The following CNIH4 variants were observed in gnomAD, a reference collection of about 807,000 sequenced individuals.
The protein encoded by CNIH4 is protein cornichon homolog 4.
Under a neutral mutation model 21.5 loss-of-function variants are expected in CNIH4, and 9 were observed. That is an observed-to-expected ratio of 0.42 (90% CI 0.25 to 0.73). CNIH4 has a LOEUF of 0.73. Ranked by LOEUF, CNIH4 falls within the 30% of genes least tolerant of loss-of-function variation. The pLI is 0.27. For missense variants in CNIH4, 159 were observed against 170.0 expected (o/e 0.94, Z 0.36); for synonymous variants, 67 against 59.1 (o/e 1.13, Z -0.61).
intron 3 of CNIH4, among the ~76,000 whole-genome samples, chr1:224,370,784 C>T (rs1350623776): frequency 6.6e-6 from 1 of 151,826 alleles, no homozygotes; most frequent in African/African-American, 2.4e-5. Context: ...AGTATTATAA[C>T]TTTCAAAAGG....
chr1:224,362,550 C>T (rs1198209686), intron 2 of CNIH4, among the ~76,000 whole-genome samples: 30 of 135,030 alleles, frequency 2.2e-4, no homozygotes, highest in Admixed American at 9.5e-4. Context: ...ATTGCAGTGG[C>T]GTGATCTCAG....
At chr1:224,359,961 G>A (rs1433392579) in intron 1 of CNIH4, among the ~76,000 whole-genome samples, 2 of 152,098 alleles carry the variant, frequency 1.3e-5, no homozygotes, top group African/African-American at 2.4e-5. Context: ...GTGAAACCCC[G>A]TCTCTACTAA....
Position 224,379,107 on chromosome 1 carries a change from T to C in CNIH4, c.*3285T>C. On this transcript the variant is annotated 3_prime_UTR_variant, in exon 5 of 5. Transcript: ENST00000465271. ...CCTTGCTAATCACCGTAACCTCGGC[T>C]GAGAAAGAAGAGGAAGCGAAATCCA... The C allele has an allele frequency of 6.4e-7, 1 of 1,550,562 alleles. No individual in the cohort carries two copies. Among genetic ancestry groups the C allele is most frequent in the Non-Finnish European group, 8.7e-7 (1 of 1,146,962 alleles).
intron 3 of CNIH4, among the ~76,000 whole-genome samples, chr1:224,367,238 C>G (rs1275188158): frequency 6.6e-6 from 1 of 151,898 alleles, no homozygotes. Context: ...CATTCATTGG[C>G]TGTTTTTTAA....
At position 224,376,700 on chromosome 1, in the gene CNIH4, T is replaced by C. The variant is rs748719936; in HGVS notation, c.*878T>C. The C allele has an allele frequency of 1.4e-4, 135 of 985,330 alleles. 1 individual carries two copies. The highest frequency in any genetic ancestry group is 1.6e-4 in the Non-Finnish European group (130 of 829,952). 61.0% of individuals were successfully genotyped at this position (985,330 alleles called of 1,614,324 possible). A position where few individuals can be genotyped will look rare whatever the true frequency, so the allele number is the denominator to read the frequency against. ...GGTGCCAGATCAACACTTCTATCCCTCTGCACTGACCACGTTGTGAACTGG... is the reference window on the plus strand; with the variant it reads ...GGTGCCAGATCAACACTTCTATCCCCCTGCACTGACCACGTTGTGAACTGG... On this transcript the variant is annotated 3_prime_UTR_variant, in exon 5 of 5. Transcript: ENST00000465271.
intron 1 of CNIH4, among the ~76,000 whole-genome samples, chr1:224,358,297 T>A (rs1468728835): frequency 2.6e-5 from 4 of 152,244 alleles, no homozygotes; most frequent in African/African-American, 9.6e-5. Context: ...CAGTAAATAT[T>A]GCTCTGCCTT....
chr1:224,366,817 G>T (rs1421816229), intron 3 of CNIH4, among the ~76,000 whole-genome samples: 1 of 149,694 alleles, frequency 6.7e-6, no homozygotes, highest in Admixed American at 6.7e-5. Flanking sequence ...AAAAAAATTA[G>T]CCAGGCATGG....
chr1:224,357,541 G>A (rs1273423545), intron 1 of CNIH4: 1 of 152,708 alleles, frequency 6.5e-6, no homozygotes, highest in South Asian at 2.1e-4. Flanking sequence ...TACTTGCAGG[G>A]ACCTTTCACA....
intron 3 of CNIH4, among the ~76,000 whole-genome samples, chr1:224,367,421 A>G (rs1329521139): frequency 6.6e-6 from 1 of 152,164 alleles, no homozygotes; most frequent in African/African-American, 2.4e-5. Flanking sequence ...GAGTGAGGGA[A>G]AAGCTTTAAA....
Position 224,379,198 on chromosome 1 carries a change from C to T in CNIH4, c.*3376C>T. 8.6e-7 allele frequency: 1 copy of T among 1,166,434 alleles called. No individual in the cohort carries two copies. The highest frequency in any genetic ancestry group is 1.3e-5 in the South Asian group (1 of 76,032). The allele number at this position is 1,166,434 out of a possible 1,614,324, so 72.3% of individuals were successfully genotyped here. A position where few individuals can be genotyped will look rare whatever the true frequency, so the allele number is the denominator to read the frequency against. ...GCTGCCTTTTCATGCCTGCCACAGA[C>T]TACAGTAGGACAAAACCTGACCTGG... On this transcript the variant is annotated 3_prime_UTR_variant, in exon 5 of 5. Coordinates refer to ENST00000465271, the MANE Select transcript of CNIH4 (RefSeq NM_014184.4).
In CNIH4 at chr1:224,359,693, C is replaced by G. The variant is rs145688445; in HGVS notation, c.70-802C>G. 3.1e-3 allele frequency among the ~76,000 whole-genome samples: 469 copies of G among 152,234 alleles called. 1 individual carries two copies. Among genetic ancestry groups the G allele is most frequent in the African/African-American group, 0.01 (434 of 41,522 alleles). On this transcript the variant is annotated intron_variant, in intron 1 of 4. Transcript: ENST00000465271. ...TCAAGCGATTCTCCTGCCTCAGCCT[C>G]TCAAGTAACTGAGACTACAAGTGCC...
Position 224,377,047 on chromosome 1 carries a change from CTT to C in CNIH4, c.*1228_*1229del. ...CCCAAAAGATTAAATGTTACATGTC[CTT>C]TTAGTCCTTGACCAGGTCTAGCCTT... On this transcript the variant is annotated 3_prime_UTR_variant, in exon 5 of 5. Coordinates refer to ENST00000465271, the MANE Select transcript of CNIH4 (RefSeq NM_014184.4). 1 of 410,422 alleles carries C rather than the reference CTT, an allele frequency of 2.4e-6. No homozygotes were observed. The highest frequency in any genetic ancestry group is 3.3e-6 in the Non-Finnish European group (1 of 304,490). 25.4% of individuals were successfully genotyped at this position (410,422 alleles called of 1,614,324 possible).
At chr1:224,371,170 C>A in intron 3 of CNIH4, 113 bp from the exon 4 acceptor site, 1 of 1,129,090 alleles carries the variant, frequency 8.9e-7, no homozygotes. Context: ...AGCCACAGTA[C>A]TGGGCCTGAT....
At chr1:224,372,127 G>GA (rs548669444) in intron 4 of CNIH4, among the ~76,000 whole-genome samples, 100 of 152,296 alleles carry the variant, frequency 6.6e-4, no homozygotes, top group African/African-American at 2.3e-3. Context: ...ATTTAGGTGT[G>GA]ATGCTCATTC....
chr1:224,358,149 G>C (rs112085642), intron 1 of CNIH4, among the ~76,000 whole-genome samples: 2,175 of 152,308 alleles, frequency 0.014, 27 homozygotes, highest in Non-Finnish European at 0.021. Context: ...TTCCTGGTCA[G>C]CTAGCTCTTT....
chr1:224,359,339 G>A (rs1351912579), intron 1 of CNIH4, among the ~76,000 whole-genome samples: 1 of 152,190 alleles, frequency 6.6e-6, no homozygotes, highest in African/African-American at 2.4e-5. Flanking sequence ...GGGTCGTCTG[G>A]ATTTCAAATA....
Position 224,375,842 on chromosome 1 carries a change from G to T in CNIH4, c.*20G>T. On this transcript the variant is annotated 3_prime_UTR_variant, in exon 5 of 5. Coordinates refer to ENST00000465271, the MANE Select transcript of CNIH4 (RefSeq NM_014184.4). ...GACTGAAGCTGGAGAAGCCGTGGTT[G>T]AAGTCAGCCTACACTACAGTGCACA... 1 of 1,614,058 alleles carries T rather than the reference G, an allele frequency of 6.2e-7. No individual in the cohort carries two copies. Among genetic ancestry groups the T allele is most frequent in the Admixed American group, 1.7e-5 (1 of 60,018 alleles).
intron 3 of CNIH4, among the ~76,000 whole-genome samples, chr1:224,369,570 C>T (rs967337363): frequency 3.3e-5 from 5 of 151,770 alleles, no homozygotes; most frequent in South Asian, 4.2e-4. Flanking sequence ...AGCGAGATTA[C>T]GTCTAAAAAT....
rs756562783 is a variant in CNIH4 at position 224,368,812 on chromosome 1, G to A, written c.252-2471G>A. On this transcript the variant is annotated intron_variant, in intron 3 of 4. Coordinates refer to ENST00000465271, the MANE Select transcript of CNIH4 (RefSeq NM_014184.4). ...GTTGGGATTACAGGTGTGAGCCAGT[G>A]TGCCCAGCCACAGCTGCACTATTTG... 2.0e-5 allele frequency among the ~76,000 whole-genome samples: 3 copies of A among 151,916 alleles called. No homozygotes were observed. In the East Asian group the frequency reaches 5.8e-4, roughly 29 times the overall value.
Sources: gnomAD v4.1 joint callset for allele counts (sites outside exome capture counted in the v4.1 genomes callset) on GRCh38, gnomAD v4.1.1 for gene constraint, MANE v1.5 for transcripts, NCBI Gene and HGNC (gene_info 2026-07-23, HGNC 2026-07-21) for gene names.